Variants in NF1 observed in about 807,000 individuals in gnomAD.
The protein encoded by NF1 is neurofibromin 1.
A neutral mutation model predicts 325.7 loss-of-function variants in NF1; 122 were observed. That is an observed-to-expected ratio of 0.37 (90% CI 0.32 to 0.44). The LOEUF is 0.44. Ranked by LOEUF, NF1 falls within the 20% of genes least tolerant of loss-of-function variation. NF1 has a pLI of 1.00. For missense variants in NF1, 2,140 were observed against 3,415.4 expected (o/e 0.63, Z 9.31); for synonymous variants, 1,091 against 1,186.0 (o/e 0.92, Z 1.65).
chr17:31,172,142 G>A (rs528524458), intron 5 of NF1, among the ~76,000 whole-genome samples: 1 of 152,178 alleles, frequency 6.6e-6, no homozygotes, highest in South Asian at 2.1e-4. Flanking sequence ...TTGAGCCAGG[G>A]CAACATAGAG....
intron 4 of NF1, 31 bp downstream of exon 4, chr17:31,163,407 A>C: frequency 6.3e-7 from 1 of 1,593,704 alleles, no homozygotes; most frequent in Non-Finnish European, 8.6e-7. Flanking sequence ...GGGACTACTG[A>C]AGTAATATGA....
At chr17:31,123,965 T>C (rs1027170791) in intron 1 of NF1, among the ~76,000 whole-genome samples, 4 of 152,096 alleles carry the variant, frequency 2.6e-5, no homozygotes, top group African/African-American at 4.8e-5. Context: ...TATTTTTCTT[T>C]TGGGGGGATA....
chr17:31,136,790 ATAAAT>A (rs55851554), intron 1 of NF1: 81,120 of 151,448 alleles, frequency 0.54, 25,553 homozygotes, highest in Middle Eastern at 0.76. Context: ...ACTGTGTCTT[ATAAAT>A]TAAACTTTTT....
At chr17:31,341,617 G>GTGTGTGTGTGTA (rs35130430) in intron 47 of NF1, among the ~76,000 whole-genome samples, 3,454 of 148,242 alleles carry the variant, frequency 0.023, 45 homozygotes, top group East Asian at 0.065. Flanking sequence ...GTGTGTGTGT[G>GTGTGTGTGTGTA]TGTACACACA....
intron 1 of NF1, among the ~76,000 whole-genome samples, chr17:31,117,891 CT>C (rs1380688915): frequency 6.6e-6 from 1 of 151,922 alleles, no homozygotes; most frequent in East Asian, 1.9e-4. Flanking sequence ...TTTAGGTATT[CT>C]TTGGCATTTC....
intron 36 of NF1, chr17:31,305,278 G>A (rs1023260730): frequency 5.0e-6 from 8 of 1,613,978 alleles, no homozygotes; most frequent in Non-Finnish European, 6.8e-6. Context: ...GTTGGCTATT[G>A]GTGTTGGTTG....
At chr17:31,285,573 C>T (rs552731186) in intron 36 of NF1, among the ~76,000 whole-genome samples, 2 of 152,226 alleles carry the variant, frequency 1.3e-5, no homozygotes, top group African/African-American at 4.8e-5. Flanking sequence ...TTCTGCTGGA[C>T]ATGGGGGCTC....
intron 1 of NF1, among the ~76,000 whole-genome samples, chr17:31,123,207 A>C (rs184182984): frequency 6.6e-6 from 1 of 152,276 alleles, no homozygotes; most frequent in East Asian, 1.9e-4. Context: ...TAGTTTGTCA[A>C]TTGTGCTAGG....
intron 57 of NF1, among the ~76,000 whole-genome samples, chr17:31,362,100 C>G (rs2070414466): frequency 6.6e-6 from 1 of 152,090 alleles, no homozygotes; most frequent in Non-Finnish European, 1.5e-5. Context: ...AGTTTCACCT[C>G]AGATCTGCAC....
chr17:31,187,793 TC>T (rs1323551368), intron 8 of NF1, among the ~76,000 whole-genome samples: 1 of 152,072 alleles, frequency 6.6e-6, no homozygotes, highest in African/African-American at 2.4e-5. Context: ...AGGTCTTAGT[TC>T]CAGAGGGAGG....
chr17:31,340,861 C>CA lies in NF1; in HGVS notation c.7062+226dup, dbSNP rs1023670000. Among the ~76,000 whole-genome samples the CA allele has an allele frequency of 1.4e-3, 162 of 119,956 alleles. 1 individual carries two copies. The highest frequency in any genetic ancestry group is 3.2e-3 in the East Asian group (13 of 4,094). 78.7% of individuals were successfully genotyped at this position (119,956 alleles called of 152,430 possible). A position where few individuals can be genotyped will look rare whatever the true frequency, so the allele number is the denominator to read the frequency against. On this transcript the variant is annotated intron_variant, in intron 47 of 57. Coordinates refer to ENST00000358273, the MANE Select transcript of NF1 (RefSeq NM_001042492.3). ...CATAAAAATAGCAAAAAAAAAAAAA[C>CA]AAAAAAAAAACAGTACTGGCCTAAT...
intron 57 of NF1, among the ~76,000 whole-genome samples, chr17:31,369,349 G>A (rs1281264790): frequency 1.3e-5 from 2 of 152,148 alleles, no homozygotes; most frequent in African/African-American, 4.8e-5. Flanking sequence ...ACACCTTCTA[G>A]TTAGGATTTT....
intron 36 of NF1, among the ~76,000 whole-genome samples, chr17:31,283,432 A>G (rs992767464): frequency 2.2e-4 from 33 of 151,240 alleles, no homozygotes; most frequent in African/African-American, 8.0e-4. Context: ...AACAAACAAA[A>G]AAAAACACTA....
chr17:31,305,353 T>C (rs1420616359), intron 36 of NF1: 1 of 1,614,020 alleles, frequency 6.2e-7, no homozygotes, highest in African/African-American at 1.3e-5. Context: ...AGAAGAGGTA[T>C]AGACAGCTGG....
At chr17:31,122,699 A>G (rs530717719) in intron 1 of NF1, among the ~76,000 whole-genome samples, 43 of 152,346 alleles carry the variant, frequency 2.8e-4, no homozygotes, top group Non-Finnish European at 5.7e-4. Flanking sequence ...TTGAAGATTA[A>G]TTATATGAAG....
Position 31,327,499 on chromosome 17 carries a change from G to T in NF1, c.5269G>T (p.Val1757Phe), listed in dbSNP as rs2151540762. The change falls in exon 38 of 58, where the codon GTT (valine) becomes TTT (phenylalanine). Residue 1757 changes from valine to phenylalanine, a missense_variant and splice_region_variant. Coordinates refer to ENST00000358273, the MANE Select transcript of NF1 (RefSeq NM_001042492.3). ...TCACCCCGTCACCACCACTTTCCAG[G>T]TTGGTTCTACTGCTGTCCAAGTAAC... The part of the protein sequence containing the change: ...AHKDTKVSIK[V>F]GSTAVQVTSA... 6.2e-7 allele frequency: 1 copy of T among 1,612,272 alleles called. No individual in the cohort carries two copies.
At chr17:31,287,542 C>CTCTG (rs987459488) in intron 36 of NF1, among the ~76,000 whole-genome samples, 5 of 145,490 alleles carry the variant, frequency 3.4e-5, no homozygotes, top group East Asian at 4.0e-4. Context: ...TCATTCATAA[C>CTCTG]TGTGTGTGTG....
intron 1 of NF1, among the ~76,000 whole-genome samples, chr17:31,111,402 T>C (rs899130457): frequency 6.6e-6 from 1 of 152,098 alleles, no homozygotes; most frequent in African/African-American, 2.4e-5. Flanking sequence ...TTCAAGTAGT[T>C]TAGCAAACCC....
At chr17:31,229,527 C>A (rs2151430029) in intron 21 of NF1, 62 bp downstream of exon 21, 2 of 1,546,628 alleles carry the variant, frequency 1.3e-6, no homozygotes. Flanking sequence ...TGAAATAAGC[C>A]TTTTTCTTTC....
Sources: gnomAD v4.1 joint callset for allele counts (sites outside exome capture counted in the v4.1 genomes callset) on GRCh38, gnomAD v4.1.1 for gene constraint, MANE v1.5 for transcripts, NCBI Gene and HGNC (gene_info 2026-07-23, HGNC 2026-07-21) for gene names.